MLANA: variants seen among roughly 807,000 people sequenced by gnomAD.
MLANA encodes the protein melanoma antigen recognized by T-cells 1.
In MLANA, 21 loss-of-function variants were observed where a neutral mutation model predicts 15.7. The ratio of observed to expected loss-of-function variants is 1.33; its 90% CI spans 0.95 to 1.92. MLANA has a LOEUF of 1.92. MLANA is among the 40% of genes most tolerant of loss of function. The probability of loss-of-function intolerance (pLI) is 0.00; values close to 1 mark genes in which losing one functional copy is unlikely to be tolerated. For missense variants in MLANA, 164 were observed against 143.8 expected (o/e 1.14, Z -0.72); for synonymous variants, 56 against 51.5 (o/e 1.09, Z -0.37).
At chr9:5,904,961 G>T (rs1367151811) in intron 3 of MLANA, among the ~76,000 whole-genome samples, 1 of 151,802 alleles carries the variant, frequency 6.6e-6, no homozygotes, top group Non-Finnish European at 1.5e-5. Context: ...TTATAGTAGA[G>T]ATGTCATTTC....
At chr9:5,905,345 A>AT (rs1259514975) in intron 3 of MLANA, among the ~76,000 whole-genome samples, 1 of 152,176 alleles carries the variant, frequency 6.6e-6, no homozygotes, top group Non-Finnish European at 1.5e-5. Flanking sequence ...GAGATGCCTC[A>AT]TTATACTCCC....
At chr9:5,907,959 T>C (rs568696829) in intron 4 of MLANA, among the ~76,000 whole-genome samples, 60 of 152,060 alleles carry the variant, frequency 3.9e-4, no homozygotes, top group Non-Finnish European at 7.7e-4. Flanking sequence ...ATCTCAAAAA[T>C]AAATAAATAA....
chr9:5,902,866 GGATTT>G (rs1249153133), intron 3 of MLANA, among the ~76,000 whole-genome samples: 1 of 151,696 alleles, frequency 6.6e-6, no homozygotes, highest in Non-Finnish European at 1.5e-5. Flanking sequence ...CGCTTACTTT[GGATTT>G]AATTTGCTGT....
At chr9:5,904,714 C>T (rs1327354326) in intron 3 of MLANA, among the ~76,000 whole-genome samples, 1 of 151,614 alleles carries the variant, frequency 6.6e-6, no homozygotes, top group Non-Finnish European at 1.5e-5. Flanking sequence ...GATCCACCCA[C>T]TTGGCCTCCC....
intron 3 of MLANA, among the ~76,000 whole-genome samples, chr9:5,902,377 C>T (rs1291095042): frequency 6.6e-6 from 1 of 152,076 alleles, no homozygotes; most frequent in Admixed American, 6.6e-5. Context: ...CTTAGCCTAG[C>T]TAAAGGCTTA....
chr9:5,892,482 G>C lies in MLANA; in HGVS notation c.8G>C (p.Arg3Thr), dbSNP rs1831716210. Residue 3 changes from arginine (R) to threonine (T), a missense_variant, in exon 2 of 5, where the codon AGA becomes ACA. Physicochemically the swap from Arg to Thr is moderately conservative, Grantham distance 71. Coordinates refer to ENST00000381477, the MANE Select transcript of MLANA (RefSeq NM_005511.2). MPREDAHFIYGYP... is the reference protein window; with the variant it reads MPTEDAHFIYGYP... ...GTGCCCTGACCCTACAAGATGCCAAGAGAAGATGCTCACTTCATCTATGGT... is the reference window on the plus strand; with the variant it reads ...GTGCCCTGACCCTACAAGATGCCAACAGAAGATGCTCACTTCATCTATGGT... The C allele has an allele frequency of 1.2e-6, 2 of 1,613,528 alleles. No homozygotes were observed. The highest frequency in any genetic ancestry group is 1.3e-5 in the African/African-American group (1 of 74,890).
Position 5,897,554 on chromosome 9 carries a change from C to T in MLANA, c.78-3C>T, listed in dbSNP as rs987527820. ...AAGTGGATTTGTCTATCTCTTGGGC[C>T]AGGGCCGCTGGGATCGGCATCCTGA... On this transcript the variant is annotated splice_region_variant and splice_polypyrimidine_tract_variant and intron_variant, in intron 2 of 4. Coordinates refer to ENST00000381477, the MANE Select transcript of MLANA (RefSeq NM_005511.2). 3 of 1,613,818 alleles carry T rather than the reference C, an allele frequency of 1.9e-6. No individual in the cohort carries two copies. Among genetic ancestry groups the T allele is most frequent in the Non-Finnish European group, 2.5e-6 (3 of 1,179,660 alleles).
chr9:5,907,553 T>C (rs149016146), intron 4 of MLANA, among the ~76,000 whole-genome samples: 6 of 152,362 alleles, frequency 3.9e-5, no homozygotes, highest in South Asian at 2.1e-4. Context: ...ATGATTTTTA[T>C]ATTGATTCAC....
At chr9:5,905,252 A>C (rs1832722479) in intron 3 of MLANA, among the ~76,000 whole-genome samples, 1 of 152,118 alleles carries the variant, frequency 6.6e-6, no homozygotes, top group Non-Finnish European at 1.5e-5. Context: ...TCCTCCAAAC[A>C]ACTGAATGGA....
chr9:5,904,321 T>C (rs1832653679), intron 3 of MLANA, among the ~76,000 whole-genome samples: 1 of 152,248 alleles, frequency 6.6e-6, no homozygotes, highest in Non-Finnish European at 1.5e-5. Context: ...TTGATATAGT[T>C]GGATTGATAT....
At position 5,897,739 on chromosome 9, in the gene MLANA, A is replaced by G; in HGVS notation, c.174+86A>G. On this transcript the variant is annotated intron_variant, in intron 3 of 4. Transcript: ENST00000381477. ...CCTCTGAATCTCTGGAGAGTCAGAT[A>G]ATTGCCTCATTATAACCTTCAGCTC... is the stretch of plus-strand genomic sequence containing the variant. 3 of 1,159,032 alleles carry G rather than the reference A, an allele frequency of 2.6e-6. No individual in the cohort carries two copies. In the Admixed American group the frequency reaches 5.1e-5, roughly 20 times the overall value. 71.8% of individuals were successfully genotyped at this position (1,159,032 alleles called of 1,614,324 possible).
At chr9:5,891,255 A>T (rs555596398) in intron 1 of MLANA, 1 of 152,332 alleles carries the variant, frequency 6.6e-6, no homozygotes, top group African/African-American at 2.4e-5. Flanking sequence ...GAGTAGTAAG[A>T]GGCGCATTTG....
Position 5,892,489 on chromosome 9 carries a change from T to G in MLANA, c.15T>G (p.Asp5Glu). The change falls in exon 2 of 5, where the codon GAT becomes GAG. Residue 5 changes from aspartate (D) to glutamate (E), a missense_variant. Asp to Glu is a conservative substitution (Grantham distance 45, BLOSUM62 2). Coordinates refer to ENST00000381477, the MANE Select transcript of MLANA (RefSeq NM_005511.2). Reference protein sequence around the residue: MPREDAHFIYGYPKK... With the variant: MPREEAHFIYGYPKK... ...GACCCTACAAGATGCCAAGAGAAGA[T>G]GCTCACTTCATCTATGGTTACCCCA... 1.2e-6 allele frequency: 2 copies of G among 1,613,780 alleles called. No homozygotes were observed. Among genetic ancestry groups the G allele is most frequent in the Non-Finnish European group, 1.7e-6 (2 of 1,179,842 alleles).
At chr9:5,897,768 T>C in intron 3 of MLANA, 115 bp downstream of exon 3, 1 of 916,590 alleles carries the variant, frequency 1.1e-6, no homozygotes. Context: ...TCAGCTCTGA[T>C]TCCGGCTTCT....
intron 3 of MLANA, among the ~76,000 whole-genome samples, chr9:5,899,769 A>G (rs183272202): frequency 6.6e-6 from 1 of 152,318 alleles, no homozygotes; most frequent in Admixed American, 6.5e-5. Flanking sequence ...ACAACAGAGA[A>G]TATTTCTAAC....
chr9:5,895,035 G>A (rs1831921787), intron 2 of MLANA, among the ~76,000 whole-genome samples: 1 of 152,154 alleles, frequency 6.6e-6, no homozygotes, highest in Non-Finnish European at 1.5e-5. Context: ...AGAACAAGAG[G>A]GAGCCTCTGG....
At chr9:5,898,755 C>A (rs1269824583) in intron 3 of MLANA, among the ~76,000 whole-genome samples, 1 of 152,192 alleles carries the variant, frequency 6.6e-6, no homozygotes. Context: ...TTCTTCACCC[C>A]TTTCCTCACT....
At chr9:5,906,628 C>G (rs146604133) in intron 3 of MLANA, among the ~76,000 whole-genome samples, 13 of 152,316 alleles carry the variant, frequency 8.5e-5, no homozygotes, top group Admixed American at 3.3e-4. Context: ...CTTTGACCAA[C>G]TATTGGGTCC....
At chr9:5,893,352 C>G (rs1831781730) in intron 2 of MLANA, among the ~76,000 whole-genome samples, 1 of 152,182 alleles carries the variant, frequency 6.6e-6, no homozygotes, top group African/African-American at 2.4e-5. Context: ...ACAACACCCT[C>G]TTATGTGGTC....
Sources: gnomAD v4.1 joint callset for allele counts (sites outside exome capture counted in the v4.1 genomes callset) on GRCh38, gnomAD v4.1.1 for gene constraint, MANE v1.5 for transcripts, NCBI Gene and HGNC (gene_info 2026-07-23, HGNC 2026-07-21) for gene names.